ARK2C: variants seen among roughly 807,000 people sequenced by gnomAD.
The protein encoded by ARK2C is E3 ubiquitin-protein ligase ARK2C.
At chr18:46,437,793 A>T in the ARK2C span, among the ~76,000 whole-genome samples, 1 of 152,144 alleles carries the variant, frequency 6.6e-6, no homozygotes. Flanking sequence ...CTGGCTTCTC[A>T]GTTCTAACTC....
chr18:46,373,653 A>G, the ARK2C span, among the ~76,000 whole-genome samples: 3 of 152,360 alleles, frequency 2.0e-5, no homozygotes, highest in African/African-American at 7.2e-5. Flanking sequence ...CTCGGGCTCC[A>G]GGGACAGCCC....
the ARK2C span, among the ~76,000 whole-genome samples, chr18:46,429,804 G>C: frequency 3.3e-5 from 5 of 151,726 alleles, no homozygotes; most frequent in African/African-American, 1.2e-4. Context: ...ATGGGGTCTT[G>C]CTATGTTGTC....
the ARK2C span, among the ~76,000 whole-genome samples, chr18:46,406,804 G>A: frequency 4.6e-5 from 7 of 152,216 alleles, no homozygotes; most frequent in Non-Finnish European, 8.8e-5. Context: ...TGCCTCCTTG[G>A]CGTTGGGCCT....
At chr18:46,356,757 CTGCTCCTTCCACCG>C in the ARK2C span, among the ~76,000 whole-genome samples, 1 of 152,220 alleles carries the variant, frequency 6.6e-6, no homozygotes, top group Admixed American at 6.5e-5. Flanking sequence ...GCGTTGTCAT[CTGCTCCTTCCACCG>C]TGTCACCTCT....
the ARK2C span, among the ~76,000 whole-genome samples, chr18:46,395,725 C>A: frequency 8.5e-5 from 13 of 152,180 alleles, no homozygotes; most frequent in African/African-American, 2.9e-4. Context: ...TGGGAAAATG[C>A]CTAAGCTTGG....
At chr18:46,383,550 G>GTTTTT in the ARK2C span, among the ~76,000 whole-genome samples, 25 of 97,892 alleles carry the variant, frequency 2.6e-4, no homozygotes, top group African/African-American at 5.3e-4. Flanking sequence ...GGTTTTCTCT[G>GTTTTT]TTTTTTTTTT....
At chr18:46,357,606 CTCTCTATCA>C in the ARK2C span, among the ~76,000 whole-genome samples, 4 of 152,124 alleles carry the variant, frequency 2.6e-5, no homozygotes, top group Non-Finnish European at 5.9e-5. Flanking sequence ...CCACCAGTCC[CTCTCTATCA>C]TCTCTTTCTG....
the ARK2C span, among the ~76,000 whole-genome samples, chr18:46,372,800 T>C: frequency 6.6e-6 from 1 of 152,262 alleles, no homozygotes; most frequent in Admixed American, 6.5e-5. Context: ...CCAAAATCCA[T>C]ACGTTTCCTT....
chr18:46,336,822 A>G, the ARK2C span: 3 of 985,436 alleles, frequency 3.0e-6, no homozygotes, highest in Non-Finnish European at 3.6e-6. Flanking sequence ...GCTTCTTGGC[A>G]GCACCCAGGC....
the ARK2C span, among the ~76,000 whole-genome samples, chr18:46,353,528 C>T: frequency 1.3e-5 from 2 of 152,108 alleles, no homozygotes; most frequent in Non-Finnish European, 2.9e-5. Context: ...TAGTTTGCTC[C>T]CCGTCCGCTA....
the ARK2C span, among the ~76,000 whole-genome samples, chr18:46,398,772 C>G: frequency 6.6e-6 from 1 of 152,060 alleles, no homozygotes; most frequent in African/African-American, 2.4e-5. Flanking sequence ...AATACTCGGG[C>G]TCCTCCCTCA....
the ARK2C span, among the ~76,000 whole-genome samples, chr18:46,377,384 G>A: frequency 6.6e-6 from 1 of 152,148 alleles, no homozygotes; most frequent in African/African-American, 2.4e-5. Context: ...GTGTCTTTCA[G>A]TGAGGCCAAG....
chr18:46,398,271 G>A, the ARK2C span, among the ~76,000 whole-genome samples: 2 of 151,600 alleles, frequency 1.3e-5, no homozygotes, highest in Non-Finnish European at 2.9e-5. Flanking sequence ...GTGTGTGCAT[G>A]TGGTGTGTGT....
At chr18:46,369,298 G>T in the ARK2C span, among the ~76,000 whole-genome samples, 1 of 152,156 alleles carries the variant, frequency 6.6e-6, no homozygotes, top group East Asian at 1.9e-4. Context: ...CTGAGGCAGG[G>T]TGGCCTGAGC....
At chr18:46,441,520 A>C in the ARK2C span, among the ~76,000 whole-genome samples, 1 of 152,356 alleles carries the variant, frequency 6.6e-6, no homozygotes, top group South Asian at 2.1e-4. Context: ...TCATATGAGT[A>C]ATTTGTATGT....
chr18:46,414,636 A>T, the ARK2C span, among the ~76,000 whole-genome samples: 14 of 152,346 alleles, frequency 9.2e-5, no homozygotes, highest in African/African-American at 3.4e-4. Flanking sequence ...TACATTCATG[A>T]TCATGCCACG....
At chr18:46,353,448 G>T in the ARK2C span, among the ~76,000 whole-genome samples, 1 of 152,204 alleles carries the variant, frequency 6.6e-6, no homozygotes, top group South Asian at 2.1e-4. Flanking sequence ...TGACAGGGTT[G>T]CTGTGGGAGT....
chr18:46,398,934 CT>C, the ARK2C span, among the ~76,000 whole-genome samples: 3 of 151,866 alleles, frequency 2.0e-5, no homozygotes, highest in African/African-American at 7.3e-5. Flanking sequence ...TGAAACCTCA[CT>C]GTGCCAAAGA....
the ARK2C span, among the ~76,000 whole-genome samples, chr18:46,430,727 G>A: frequency 6.7e-4 from 102 of 152,042 alleles, no homozygotes; most frequent in Non-Finnish European, 1.0e-3. Context: ...ATTTCACCTC[G>A]TACATTTCTA....
Sources: allele counts gnomAD v4.1 joint callset (sites outside exome capture counted in the v4.1 genomes callset), GRCh38; gene constraint gnomAD v4.1.1; transcripts MANE v1.5; gene names NCBI Gene and HGNC (gene_info 2026-07-23, HGNC 2026-07-21).